TXLNB: variants seen among roughly 807,000 people sequenced by gnomAD.
TXLNB encodes the protein beta-taxilin.
A neutral mutation model predicts 57.4 loss-of-function variants in TXLNB; 37 were observed. That is an observed-to-expected ratio of 0.64 (90% confidence interval 0.50 to 0.85). The LOEUF is 0.85. Ranked by LOEUF, TXLNB falls within the 40% of genes least tolerant of loss-of-function variation. The pLI, the probability that TXLNB is intolerant of heterozygous loss-of-function variation, is 0.00. For synonymous variants in TXLNB, 302 were observed against 309.6 expected (o/e 0.98, Z 0.26); for missense variants, 848 against 825.6 (o/e 1.03, Z -0.33).
At chr6:139,316,552 T>A in the TXLNB span, among the ~76,000 whole-genome samples, 43 of 152,232 alleles carry the variant, frequency 2.8e-4, no homozygotes, top group Non-Finnish European at 5.6e-4. Flanking sequence ...CAATCTTTCA[T>A]ACTACAAGAC....
chr6:139,261,046 G>C (rs547039360), intron 5 of TXLNB, among the ~76,000 whole-genome samples: 2 of 152,160 alleles, frequency 1.3e-5, no homozygotes, highest in Non-Finnish European at 2.9e-5. Flanking sequence ...CAAATGTGCA[G>C]AGCTCGCCAC....
the TXLNB span, among the ~76,000 whole-genome samples, chr6:139,221,739 AG>A: frequency 2.0e-5 from 3 of 152,230 alleles, no homozygotes; most frequent in African/African-American, 7.2e-5. Flanking sequence ...GCTGAAATTA[AG>A]AACTCAATGG....
intron 1 of TXLNB, among the ~76,000 whole-genome samples, chr6:139,291,128 C>T (rs1457483486): frequency 6.6e-6 from 1 of 152,164 alleles, no homozygotes. Context: ...CTTAGGCCTC[C>T]CCTGAACACG....
chr6:139,205,585 A>G, the TXLNB span, among the ~76,000 whole-genome samples: 1 of 152,148 alleles, frequency 6.6e-6, no homozygotes, highest in Non-Finnish European at 1.5e-5. Flanking sequence ...AGAATTTCAG[A>G]GCTGGAAGAA....
upstream of TXLNB, among the ~76,000 whole-genome samples, chr6:139,293,280 C>T (rs577682481): frequency 2.0e-5 from 3 of 152,082 alleles, no homozygotes; most frequent in South Asian, 6.2e-4. Context: ...TTAGTAGAGA[C>T]GGGGTTTCGC....
chr6:139,318,377 G>A, the TXLNB span, among the ~76,000 whole-genome samples: 1 of 151,768 alleles, frequency 6.6e-6, no homozygotes, highest in African/African-American at 2.4e-5. Flanking sequence ...ATGAAAAGTG[G>A]TGATAATTCT....
At chr6:139,202,389 C>T in the TXLNB span, among the ~76,000 whole-genome samples, 1 of 152,058 alleles carries the variant, frequency 6.6e-6, no homozygotes, top group Non-Finnish European at 1.5e-5. Context: ...TGTAATGGGA[C>T]CTAAACAAAT....
chr6:139,182,850 T>A, the TXLNB span: 1 of 152,168 alleles, frequency 6.6e-6, no homozygotes, highest in Non-Finnish European at 1.5e-5. Context: ...TCTCATGAAG[T>A]TCAGTAAAAC....
At chr6:139,185,110 C>T in the TXLNB span, among the ~76,000 whole-genome samples, 1 of 152,068 alleles carries the variant, frequency 6.6e-6, no homozygotes, top group South Asian at 2.1e-4. Context: ...CTCTGAGGCT[C>T]CAGAACCCCA....
intron 4 of TXLNB, among the ~76,000 whole-genome samples, chr6:139,267,555 G>C (rs1381035807): frequency 2.0e-5 from 3 of 152,106 alleles, no homozygotes; most frequent in Non-Finnish European, 4.4e-5. Context: ...CCAAAGGAAG[G>C]CAGGAAAAGA....
At chr6:139,170,525 G>C in the TXLNB span, 1 of 152,160 alleles carries the variant, frequency 6.6e-6, no homozygotes, top group African/African-American at 2.4e-5. Context: ...TAAGCAGAGG[G>C]TCTACCCAGG....
chr6:139,204,739 G>A, the TXLNB span, among the ~76,000 whole-genome samples: 57 of 152,132 alleles, frequency 3.7e-4, no homozygotes, highest in Non-Finnish European at 7.1e-4. Context: ...CTATGTGCAG[G>A]CTGCCTGGAT....
At chr6:139,310,406 G>A in the TXLNB span, among the ~76,000 whole-genome samples, 1 of 152,286 alleles carries the variant, frequency 6.6e-6, no homozygotes, top group South Asian at 2.1e-4. Context: ...CATAAGGAAT[G>A]ACTTTATACA....
rs563343760 is a variant in TXLNB, at chr6:139,262,088, A to G, written c.882+491T>C. On this transcript the variant is annotated intron_variant, in intron 5 of 9. Coordinates refer to ENST00000358430, the MANE Select transcript of TXLNB (RefSeq NM_153235.4). ...CTGGCTAATTTTTTTTTGTATTTGT[A>G]GTAGAGACGGGATTTCACTATGTTG... Among the ~76,000 whole-genome samples, 7 of 151,510 alleles carry G rather than the reference A, an allele frequency of 4.6e-5. No individual in the cohort carries two copies. The South Asian group carries it at 1.5e-3, about 32-fold the overall frequency.
chr6:139,197,527 ATTGACAAATATTCC>A, the TXLNB span, among the ~76,000 whole-genome samples: 2 of 152,192 alleles, frequency 1.3e-5, no homozygotes, highest in Admixed American at 6.5e-5. Flanking sequence ...TCAATCATTG[ATTGACAAATATTCC>A]TTGACAATTA....
the TXLNB span, among the ~76,000 whole-genome samples, chr6:139,183,994 G>A: frequency 3.9e-5 from 6 of 152,300 alleles, no homozygotes; most frequent in Admixed American, 1.3e-4. Context: ...TTGGAGGACC[G>A]TCTGCTAATA....
the TXLNB span, among the ~76,000 whole-genome samples, chr6:139,182,626 C>T: frequency 6.6e-6 from 1 of 152,152 alleles, no homozygotes; most frequent in Admixed American, 6.5e-5. Flanking sequence ...TTTTTCTGTT[C>T]TCTCAACTCT....
chr6:139,202,548 A>G, the TXLNB span, among the ~76,000 whole-genome samples: 1 of 152,026 alleles, frequency 6.6e-6, no homozygotes, highest in Non-Finnish European at 1.5e-5. Context: ...AGTGCTTTAT[A>G]CTCTTATTTT....
chr6:139,208,513 C>T, the TXLNB span, among the ~76,000 whole-genome samples: 1 of 152,152 alleles, frequency 6.6e-6, no homozygotes, highest in Non-Finnish European at 1.5e-5. Context: ...AGACCAATAT[C>T]TGTGATGAAC....
Sources: allele counts gnomAD v4.1 joint callset (sites outside exome capture counted in the v4.1 genomes callset), GRCh38; gene constraint gnomAD v4.1.1; transcripts MANE v1.5; gene names NCBI Gene and HGNC (gene_info 2026-07-23, HGNC 2026-07-21).